ROBO1: variants seen among roughly 807,000 people sequenced by gnomAD.
ROBO1 encodes roundabout homolog 1.
A neutral mutation model predicts 195.9 loss-of-function variants in ROBO1; 149 were observed. That is an observed-to-expected ratio of 0.76 (90% CI 0.67 to 0.87). The LOEUF (loss-of-function observed/expected upper bound fraction) is 0.87, where lower values mean the gene tolerates loss of function less well. Among genes scored for constraint, ROBO1 ranks in the 40% least tolerant of loss-of-function variants. The pLI is 0.00. For synonymous variants in ROBO1, 816 were observed against 733.2 expected, an observed-to-expected ratio of 1.11 and a Z score of -1.82; for missense variants, 1,933 against 2,068.3, an observed-to-expected ratio of 0.93 and a Z score of 1.27.
intron 3 of ROBO1, among the ~76,000 whole-genome samples, chr3:79,065,912 A>G (rs2108419662): frequency 6.6e-6 from 1 of 152,040 alleles, no homozygotes; most frequent in Admixed American, 6.6e-5. Context: ...AAAACGTACA[A>G]TTAGAATTTA....
At chr3:79,598,591 A>G (rs1317927443) in intron 1 of ROBO1, among the ~76,000 whole-genome samples, 2 of 151,998 alleles carry the variant, frequency 1.3e-5, no homozygotes, top group African/African-American at 4.8e-5. Flanking sequence ...CCCACTGCAC[A>G]GTGGCTGCAG....
In ROBO1 at chr3:79,257,338, C is replaced by T. The variant is rs146749824; in HGVS notation, c.89-131799G>A. Among the ~76,000 whole-genome samples, 517 of 152,294 alleles carry T rather than the reference C, an allele frequency of 3.4e-3. 7 individuals carry two copies. Among genetic ancestry groups the T allele is most frequent in the African/African-American group, 0.011 (458 of 41,578 alleles). On this transcript the variant is annotated intron_variant, in intron 2 of 30. Transcript: ENST00000464233. Reference sequence around the variant, plus strand: ...ACAAAATCACAAAAAGCCCTTCTCACTTGCTAAAAATATCAAGTGGAACTC... The same window carrying T: ...ACAAAATCACAAAAAGCCCTTCTCATTTGCTAAAAATATCAAGTGGAACTC...
intron 3 of ROBO1, among the ~76,000 whole-genome samples, chr3:79,014,529 G>A (rs1171134527): frequency 6.6e-6 from 1 of 152,170 alleles, no homozygotes; most frequent in African/African-American, 2.4e-5. Context: ...TGTGTGGTCA[G>A]AGGGCACACT....
At chr3:79,722,683 T>C (rs1020108763) in intron 1 of ROBO1, among the ~76,000 whole-genome samples, 2 of 152,184 alleles carry the variant, frequency 1.3e-5, no homozygotes, top group Non-Finnish European at 2.9e-5. Flanking sequence ...GTTGGTTTTG[T>C]TTTTCTTATT....
chr3:79,367,317 CAG>C (rs1004324700), intron 2 of ROBO1, among the ~76,000 whole-genome samples: 2 of 152,116 alleles, frequency 1.3e-5, no homozygotes, highest in Admixed American at 6.5e-5. Context: ...ACCACTGGCT[CAG>C]GGGCCACCTA....
At chr3:79,725,932 AAG>A (rs1491335571) in intron 1 of ROBO1, among the ~76,000 whole-genome samples, 148 of 149,878 alleles carry the variant, frequency 9.9e-4, no homozygotes, top group East Asian at 2.2e-3. Context: ...TTAAAAAAAA[AAG>A]TATATCTGGC....
Position 78,746,811 on chromosome 3 carries a change from G to A in ROBO1, c.589C>T (p.His197Tyr). The A allele has an allele frequency of 6.2e-7, 1 of 1,601,910 alleles. No homozygotes were observed. The highest frequency in any genetic ancestry group is 8.5e-7 in the Non-Finnish European group (1 of 1,171,346). Residue 197 changes from histidine to tyrosine, a missense_variant, in exon 5 of 31, where the codon CAT becomes TAT. Coordinates refer to ENST00000464233, the MANE Select transcript of ROBO1 (RefSeq NM_002941.4). Reference protein sequence around the residue: ...AVMECQPPRGHPEPTISWKKD... With the variant: ...AVMECQPPRGYPEPTISWKKD... ...TTCCATGAAATGGTGGGCTCAGGAT[G>A]GCCTCGTGGAGGTTGGCATTCCATT...
intron 2 of ROBO1, among the ~76,000 whole-genome samples, chr3:79,397,350 G>A (rs1462205889): frequency 6.6e-6 from 1 of 151,898 alleles, no homozygotes; most frequent in African/African-American, 2.4e-5. Flanking sequence ...TTGCTTAACT[G>A]TCTTGTCTTG....
chr3:79,710,214 G>A (rs1420943574), intron 1 of ROBO1, among the ~76,000 whole-genome samples: 1 of 152,030 alleles, frequency 6.6e-6, no homozygotes, highest in Non-Finnish European at 1.5e-5. Context: ...AAGACATAAT[G>A]GCTTAGAATT....
intron 3 of ROBO1, among the ~76,000 whole-genome samples, chr3:79,032,842 A>G (rs1286172281): frequency 6.6e-6 from 1 of 152,076 alleles, no homozygotes; most frequent in East Asian, 1.9e-4. Flanking sequence ...CATAGCAGAA[A>G]ATCCCTCCCC....
At chr3:79,110,529 G>A (rs1230204996) in intron 3 of ROBO1, among the ~76,000 whole-genome samples, 1 of 151,486 alleles carries the variant, frequency 6.6e-6, no homozygotes. Flanking sequence ...CCATGCAGCA[G>A]ATGCTAGTTG....
In ROBO1 at chr3:79,214,944, A is replaced by G. The variant is rs191434257; in HGVS notation, c.89-89405T>C. On this transcript the variant is annotated intron_variant, in intron 2 of 30. Coordinates refer to ENST00000464233, the MANE Select transcript of ROBO1 (RefSeq NM_002941.4). ...GAATGCTGTACAAGTTTTTTGTTCA[A>G]CCAACATGGTGATATTTCAACTCAT... Among the ~76,000 whole-genome samples, 555 of 151,938 alleles carry G rather than the reference A, an allele frequency of 3.7e-3. 6 individuals carry two copies. The highest frequency in any genetic ancestry group is 0.013 in the African/African-American group (532 of 41,456).
chr3:79,398,810 GTTA>G lies in ROBO1; in HGVS notation c.88+191011_88+191013del, dbSNP rs568432957. 5.9e-3 allele frequency among the ~76,000 whole-genome samples: 901 copies of G among 152,076 alleles called. 5 individuals are homozygous for G. The highest frequency in any genetic ancestry group is 0.01 in the Non-Finnish European group (694 of 67,978). ...CTGATTCTCAACTTTTTTAAAAAAG[GTTA>G]TTATTAGTGCCACCCCTAAGGAGAC... On this transcript the variant is annotated intron_variant, in intron 2 of 30. Coordinates refer to ENST00000464233, the MANE Select transcript of ROBO1 (RefSeq NM_002941.4).
chr3:79,381,878 T>C (rs2036587047), intron 2 of ROBO1, among the ~76,000 whole-genome samples: 1 of 152,172 alleles, frequency 6.6e-6, no homozygotes, highest in Non-Finnish European at 1.5e-5. Context: ...AAATTTAATA[T>C]ATTTGAAATG....
At chr3:79,024,435 G>T (rs188483066) in intron 3 of ROBO1, among the ~76,000 whole-genome samples, 3 of 152,170 alleles carry the variant, frequency 2.0e-5, no homozygotes, top group Non-Finnish European at 4.4e-5. Context: ...GTGAAGTGAG[G>T]TGATGTTATT....
chr3:78,659,635 G>A (rs1375823727), intron 17 of ROBO1, 51 bp downstream of exon 17: 6 of 1,279,334 alleles, frequency 4.7e-6, no homozygotes, highest in Non-Finnish European at 5.0e-6. Context: ...CTTTATGAAT[G>A]GTGGGGGCTG....
intron 4 of ROBO1, among the ~76,000 whole-genome samples, chr3:78,799,098 T>A (rs1309396680): frequency 2.0e-5 from 3 of 152,172 alleles, no homozygotes; most frequent in Non-Finnish European, 4.4e-5. Context: ...GTCCTGGAAT[T>A]CTTCTCTTTG....
At chr3:79,253,976 T>G (rs1214494118) in intron 2 of ROBO1, among the ~76,000 whole-genome samples, 3 of 152,196 alleles carry the variant, frequency 2.0e-5, no homozygotes, top group Non-Finnish European at 4.4e-5. Context: ...AGTTTTCTAG[T>G]GTGCCTTGTT....
chr3:79,719,917 T>A lies in ROBO1; in HGVS notation c.-51+47835A>T, dbSNP rs75630207. The stretch of plus-strand genomic sequence containing the variant: ...TTTCTGTTTAACCAAGGTTCATATT[T>A]GAGGGAGAGCATAGATCCTTTTGGT... On this transcript the variant is annotated intron_variant, in intron 1 of 30. Coordinates refer to ENST00000464233, the MANE Select transcript of ROBO1 (RefSeq NM_002941.4). Among the ~76,000 whole-genome samples the A allele has an allele frequency of 3.2e-3, 480 of 152,310 alleles. 2 individuals carry two copies. The highest frequency in any genetic ancestry group is 0.011 in the African/African-American group (451 of 41,568).
Sources: gnomAD v4.1 joint callset for allele counts (sites outside exome capture counted in the v4.1 genomes callset) on GRCh38, gnomAD v4.1.1 for gene constraint, MANE v1.5 for transcripts, NCBI Gene and HGNC (gene_info 2026-07-23, HGNC 2026-07-21) for gene names.